OR52N4: variants seen among roughly 807,000 people sequenced by gnomAD.
OR52N4 encodes the protein olfactory receptor family 52 subfamily N member 4, also known as olfactory receptor 52N4.
OR52N4 carries 15 observed loss-of-function variants against 15.0 expected under a neutral mutation model. That is an observed-to-expected ratio of 1.00 (90% CI 0.67 to 1.54). OR52N4 has a LOEUF of 1.54. Ranked by LOEUF, OR52N4 falls within the 40% of genes most tolerant of loss-of-function variation. The pLI is 0.00. For missense variants in OR52N4, 421 were observed against 394.0 expected (o/e 1.07, Z -0.58); for synonymous variants, 143 against 143.7 (o/e 1.00, Z 0.03).
chr11:5,735,088 A>G, the OR52N4 span, among the ~76,000 whole-genome samples: 6 of 152,134 alleles, frequency 3.9e-5, no homozygotes, highest in Non-Finnish European at 8.8e-5. Context: ...AATTATATCA[A>G]AAATCAACCC....
At chr11:5,744,113 C>G in the OR52N4 span, among the ~76,000 whole-genome samples, 1 of 152,090 alleles carries the variant, frequency 6.6e-6, no homozygotes, top group Admixed American at 6.6e-5. Context: ...TACAAACTAG[C>G]AAGCCTAAAA....
chr11:5,750,743 A>G (rs1158357646), upstream of OR52N4, among the ~76,000 whole-genome samples: 3 of 152,030 alleles, frequency 2.0e-5, no homozygotes, highest in East Asian at 1.9e-4. Flanking sequence ...TCTGAAAGGC[A>G]GAATCCTGTA....
chr11:5,754,682 T>C lies in OR52N4; in HGVS notation c.-48-11T>C. 1 of 1,494,472 alleles carries C rather than the reference T, an allele frequency of 6.7e-7. No homozygotes were observed. 92.6% of individuals were successfully genotyped at this position (1,494,472 alleles called of 1,614,324 possible). A position where few individuals can be genotyped will look rare whatever the true frequency, so the allele number is the denominator to read the frequency against. The stretch of plus-strand genomic sequence containing the variant: ...ACCTATATTTTCTCTTGTTTTTTTT[T>C]TTAACTCTAGGAAAGCCCAGACAAA... On this transcript the variant is annotated splice_polypyrimidine_tract_variant and intron_variant, in intron 1 of 1. Transcript: ENST00000641350.
the OR52N4 span, among the ~76,000 whole-genome samples, chr11:5,732,912 T>A: frequency 6.6e-6 from 1 of 152,184 alleles, no homozygotes; most frequent in Non-Finnish European, 1.5e-5. Flanking sequence ...TCTCCAGTCA[T>A]CCTTAGGTAC....
upstream of OR52N4, among the ~76,000 whole-genome samples, chr11:5,750,447 T>G (rs937262215): frequency 7.3e-6 from 1 of 137,550 alleles, no homozygotes; most frequent in African/African-American, 2.5e-5. Flanking sequence ...TACAAAGCAA[T>G]GTATAGCCCA....
rs775216246 is a variant in OR52N4, at chr11:5,755,095, C to G, written c.355C>G (p.Leu119Val). Residue 119 changes from leucine (L) to valine (V), a missense_variant, in exon 2 of 2, where the codon CTT becomes GTT. Transcript: ENST00000641350. ...FTGMESGVLM[L>V]MALDRYVAIC... ...AGGGATGGAGTCTGGGGTGCTTATGCTTATGGCCCTGGATCGCTATGTGGC... is the reference window on the plus strand; with the variant it reads ...AGGGATGGAGTCTGGGGTGCTTATGGTTATGGCCCTGGATCGCTATGTGGC... The G allele has an allele frequency of 6.2e-7, 1 of 1,614,046 alleles. No homozygotes were observed. The highest frequency in any genetic ancestry group is 1.1e-5 in the South Asian group (1 of 91,074).
rs1474138930 is a variant in OR52N4 at position 5,755,376 on chromosome 11, C to T, written c.636C>T (p.Asp212=). 1 of 1,614,060 alleles carries T rather than the reference C, an allele frequency of 6.2e-7. No homozygotes were observed. The highest frequency in any genetic ancestry group is 1.1e-5 in the South Asian group (1 of 91,084). Residue 212 remains aspartate (D), a synonymous_variant, in exon 2 of 2, where the codon GAC becomes GAT. Coordinates refer to ENST00000641350, the MANE Select transcript of OR52N4 (RefSeq NM_001005175.5). The part of the protein sequence containing the change: ...LMVALLIWGF[D]ILCITNSYTM... ...TTGCCCTCCTGATTTGGGGCTTTGA[C>T]ATACTGTGTATCACCAACTCCTATA...
chr11:5,743,475 A>T, the OR52N4 span, among the ~76,000 whole-genome samples: 5 of 152,194 alleles, frequency 3.3e-5, no homozygotes, highest in Non-Finnish European at 7.4e-5. Context: ...CAGTCTCAAA[A>T]ATTGCTCAAA....
the OR52N4 span, among the ~76,000 whole-genome samples, chr11:5,732,405 T>C: frequency 2.4e-4 from 37 of 152,290 alleles, no homozygotes; most frequent in Non-Finnish European, 4.0e-4. Flanking sequence ...CTTTTTCTTA[T>C]GCACTCCAAA....
the OR52N4 span, among the ~76,000 whole-genome samples, chr11:5,748,379 T>C: frequency 6.8e-6 from 1 of 146,894 alleles, no homozygotes; most frequent in East Asian, 2.1e-4. Flanking sequence ...ATATAATTTA[T>C]AATCAGTTAT....
At chr11:5,733,456 T>C in the OR52N4 span, among the ~76,000 whole-genome samples, 5 of 152,144 alleles carry the variant, frequency 3.3e-5, no homozygotes, top group Admixed American at 2.0e-4. Flanking sequence ...ACACACACCA[T>C]AGTTATCTTC....
chr11:5,747,689 C>A, the OR52N4 span, among the ~76,000 whole-genome samples: 4 of 151,972 alleles, frequency 2.6e-5, no homozygotes, highest in Non-Finnish European at 4.4e-5. Context: ...AATATTTATT[C>A]TTCTCAATCA....
At position 5,755,382 on chromosome 11, in the gene OR52N4, G is replaced by A. The variant is rs1385386116; in HGVS notation, c.642G>A (p.Leu214=). 6.2e-7 allele frequency: 1 copy of A among 1,613,942 alleles called. No homozygotes were observed. The highest frequency in any genetic ancestry group is 8.5e-7 in the Non-Finnish European group (1 of 1,180,010). ...VALLIWGFDI[L]CITNSYTMIL... ...TCCTGATTTGGGGCTTTGACATACTGTGTATCACCAACTCCTATACCATGA... is the reference window on the plus strand; with the variant it reads ...TCCTGATTTGGGGCTTTGACATACTATGTATCACCAACTCCTATACCATGA... The change falls in exon 2 of 2, where the codon CTG becomes CTA. Residue 214 remains leucine, a synonymous_variant. Transcript: ENST00000641350.
chr11:5,735,641 A>G, the OR52N4 span, among the ~76,000 whole-genome samples: 1 of 152,162 alleles, frequency 6.6e-6, no homozygotes, highest in East Asian at 1.9e-4. Context: ...TTAGTTTTCT[A>G]GATTCAAGCT....
At chr11:5,732,674 T>TCA in the OR52N4 span, among the ~76,000 whole-genome samples, 2 of 152,200 alleles carry the variant, frequency 1.3e-5, no homozygotes, top group Admixed American at 6.5e-5. Context: ...GTCACTATCC[T>TCA]CACTTGCTAA....
At chr11:5,735,362 T>C in the OR52N4 span, among the ~76,000 whole-genome samples, 1 of 152,076 alleles carries the variant, frequency 6.6e-6, no homozygotes, top group Admixed American at 6.6e-5. Context: ...ATTGTAATAG[T>C]AAATAAATAA....
the OR52N4 span, among the ~76,000 whole-genome samples, chr11:5,732,066 A>G: frequency 6.6e-6 from 1 of 152,222 alleles, no homozygotes; most frequent in Admixed American, 6.5e-5. Context: ...TTCTTTCGCA[A>G]TTTTGAAACA....
chr11:5,747,300 A>G, the OR52N4 span, among the ~76,000 whole-genome samples: 1 of 151,854 alleles, frequency 6.6e-6, no homozygotes, highest in African/African-American at 2.4e-5. Context: ...CAGACCTCCT[A>G]TCTAAAAAAA....
the OR52N4 span, among the ~76,000 whole-genome samples, chr11:5,729,027 C>T: frequency 1.1e-3 from 162 of 151,590 alleles, 1 homozygote; most frequent in African/African-American, 3.6e-3. Flanking sequence ...CTCCTAATGC[C>T]ATCCCTCCCC....
Sources: allele counts gnomAD v4.1 joint callset (sites outside exome capture counted in the v4.1 genomes callset), GRCh38; gene constraint gnomAD v4.1.1; transcripts MANE v1.5; gene names NCBI Gene and HGNC (gene_info 2026-07-23, HGNC 2026-07-21).